CSMD1: variants seen among roughly 807,000 people sequenced by gnomAD.
CSMD1 encodes the protein CUB and Sushi multiple domains 1.
Under a neutral mutation model 417.5 loss-of-function variants are expected in CSMD1, and 213 were observed. The observed-to-expected ratio is 0.51, with a 90% CI of 0.46 to 0.57. CSMD1 has a LOEUF of 0.57. Among genes scored for constraint, CSMD1 ranks in the 20% least tolerant of loss-of-function variants. The pLI is 0.00. For synonymous variants in CSMD1, 2,862 were observed against 1,736.8 expected, an observed-to-expected ratio of 1.65 and a Z score of -16.11; for missense variants, 6,923 against 4,529.7, an observed-to-expected ratio of 1.53 and a Z score of -15.17.
intron 17 of CSMD1, among the ~76,000 whole-genome samples, chr8:3,391,208 C>T (rs116474695): frequency 0.015 from 2,348 of 152,248 alleles, 51 homozygotes; most frequent in African/African-American, 0.053. Flanking sequence ...ACATATAAAC[C>T]ACTAAATATA....
chr8:3,977,271 C>T (rs769127511), intron 5 of CSMD1, among the ~76,000 whole-genome samples: 3 of 152,116 alleles, frequency 2.0e-5, no homozygotes, highest in Non-Finnish European at 2.9e-5. Flanking sequence ...ACACTATGAT[C>T]CAAGGAGATT....
intron 5 of CSMD1, among the ~76,000 whole-genome samples, chr8:3,830,465 T>C (rs1802312247): frequency 6.6e-6 from 1 of 152,234 alleles, no homozygotes; most frequent in Admixed American, 6.5e-5. Flanking sequence ...ACCATTTCTT[T>C]CTCTAAGCTC....
intron 3 of CSMD1, among the ~76,000 whole-genome samples, chr8:4,388,558 G>T (rs919073487): frequency 2.6e-5 from 4 of 151,662 alleles, no homozygotes; most frequent in African/African-American, 9.7e-5. Flanking sequence ...GAGGGGGAAG[G>T]GTGGGGGGGT....
intron 12 of CSMD1, among the ~76,000 whole-genome samples, chr8:3,445,611 C>A (rs1188447226): frequency 6.6e-6 from 1 of 151,892 alleles, no homozygotes; most frequent in Non-Finnish European, 1.5e-5. Flanking sequence ...ATAAAGAAGG[C>A]CAGAAGAGAG....
chr8:3,736,873 C>G (rs1796549264), intron 6 of CSMD1, among the ~76,000 whole-genome samples: 1 of 152,144 alleles, frequency 6.6e-6, no homozygotes, highest in Admixed American at 6.5e-5. Context: ...GAAAGCCATG[C>G]CTGGCATGTA....
chr8:3,510,994 T>C (rs1346273580), intron 10 of CSMD1, among the ~76,000 whole-genome samples: 1 of 151,776 alleles, frequency 6.6e-6, no homozygotes, highest in Non-Finnish European at 1.5e-5. Flanking sequence ...GGCCCATCAA[T>C]GATAGACCAA....
intron 10 of CSMD1, among the ~76,000 whole-genome samples, chr8:3,540,662 C>G (rs1448567531): frequency 6.6e-6 from 1 of 152,104 alleles, no homozygotes; most frequent in Middle Eastern, 3.4e-3. Flanking sequence ...CCAGAATCTA[C>G]AAGGAACTCA....
chr8:4,412,237 G>C (rs1263499740), intron 3 of CSMD1, among the ~76,000 whole-genome samples: 1 of 152,112 alleles, frequency 6.6e-6, no homozygotes, highest in Non-Finnish European at 1.5e-5. Context: ...GGGCCTGGTA[G>C]GAGGTGACTA....
At chr8:3,464,229 T>C (rs1179928958) in intron 12 of CSMD1, among the ~76,000 whole-genome samples, 3 of 152,132 alleles carry the variant, frequency 2.0e-5, no homozygotes, top group South Asian at 4.1e-4. Flanking sequence ...TAACCAAAAA[T>C]GCTTCAGAGT....
chr8:3,686,272 A>C lies in CSMD1; in HGVS notation c.1009+22142T>G, dbSNP rs191256791. 7.8e-3 allele frequency among the ~76,000 whole-genome samples: 1,190 copies of C among 152,276 alleles called. 6 individuals carry two copies. The highest frequency in any genetic ancestry group is 0.013 in the Non-Finnish European group (851 of 68,026). On this transcript the variant is annotated intron_variant, in intron 7 of 69. Transcript: ENST00000635120. ...CAGAGCGCTTGGAATACAAGCTAGG[A>C]AAGGCAGTGTCAAGAGACGTGTCAT...
chr8:4,691,477 C>T (rs1021776293), intron 1 of CSMD1, among the ~76,000 whole-genome samples: 10 of 152,234 alleles, frequency 6.6e-5, no homozygotes, highest in South Asian at 2.1e-4. Flanking sequence ...TGGAACTCTC[C>T]GCCTGTGAAG....
At chr8:4,434,061 G>T (rs564317627) in intron 2 of CSMD1, among the ~76,000 whole-genome samples, 4 of 152,144 alleles carry the variant, frequency 2.6e-5, no homozygotes, top group African/African-American at 9.7e-5. Flanking sequence ...CTAGGGGCTG[G>T]ACATTGGGAC....
chr8:3,634,100 C>T (rs1796917928), intron 7 of CSMD1, among the ~76,000 whole-genome samples: 1 of 152,140 alleles, frequency 6.6e-6, no homozygotes, highest in Admixed American at 6.5e-5. Flanking sequence ...GTGCCCTGCC[C>T]GTTAGAAGTT....
chr8:3,889,184 T>A (rs530104093), intron 5 of CSMD1, among the ~76,000 whole-genome samples: 2 of 151,862 alleles, frequency 1.3e-5, no homozygotes, highest in Admixed American at 1.3e-4. Flanking sequence ...CGATGCAAGA[T>A]TCGAACAAGA....
At chr8:3,857,968 T>C (rs1804432106) in intron 5 of CSMD1, among the ~76,000 whole-genome samples, 1 of 152,222 alleles carries the variant, frequency 6.6e-6, no homozygotes, top group Non-Finnish European at 1.5e-5. Context: ...GACTTCTCTG[T>C]ATAAAATTGT....
At chr8:4,388,734 G>C (rs1803640191) in intron 3 of CSMD1, among the ~76,000 whole-genome samples, 1 of 152,054 alleles carries the variant, frequency 6.6e-6, no homozygotes, top group Non-Finnish European at 1.5e-5. Flanking sequence ...GTTTATACTT[G>C]GCAGAAAAAA....
At chr8:3,941,759 G>A (rs906460463) in intron 5 of CSMD1, among the ~76,000 whole-genome samples, 2 of 152,072 alleles carry the variant, frequency 1.3e-5, no homozygotes, top group African/African-American at 4.8e-5. Context: ...AAACAGCATG[G>A]ACACACACAA....
chr8:4,507,645 A>G (rs1458788927), intron 2 of CSMD1, among the ~76,000 whole-genome samples: 1 of 152,200 alleles, frequency 6.6e-6, no homozygotes, highest in Non-Finnish European at 1.5e-5. Context: ...AGAAAGTTTG[A>G]TTAAGTGGGA....
At chr8:4,452,744 A>C (rs911480244) in intron 2 of CSMD1, among the ~76,000 whole-genome samples, 1 of 152,164 alleles carries the variant, frequency 6.6e-6, no homozygotes, top group African/African-American at 2.4e-5. Context: ...CAGGTTATTC[A>C]TCTTTCAACA....
Sources: allele counts gnomAD v4.1 joint callset (sites outside exome capture counted in the v4.1 genomes callset), GRCh38; gene constraint gnomAD v4.1.1; transcripts MANE v1.5; gene names NCBI Gene and HGNC (gene_info 2026-07-23, HGNC 2026-07-21).